Variants in PRKRIP1 observed in about 807,000 individuals in gnomAD.
PRKRIP1 encodes PRKR-interacting protein 1.
A neutral mutation model predicts 29.3 loss-of-function variants in PRKRIP1; 29 were observed. The ratio of observed to expected loss-of-function variants is 0.99; its 90% CI spans 0.74 to 1.35. The LOEUF (loss-of-function observed/expected upper bound fraction) is 1.35. Among genes scored for constraint, PRKRIP1 ranks in the 40% most tolerant of loss-of-function variants. The pLI is 0.00. For synonymous variants in PRKRIP1, 90 were observed against 85.1 expected (o/e 1.06, Z -0.32); for missense variants, 247 against 236.8 (o/e 1.04, Z -0.28).
At chr7:102,418,134 C>T (rs1554573351) in intron 5 of PRKRIP1, among the ~76,000 whole-genome samples, 1 of 151,760 alleles carries the variant, frequency 6.6e-6, no homozygotes, top group Non-Finnish European at 1.5e-5. Flanking sequence ...ACTGCAACCT[C>T]CGCCTCCCGG....
At chr7:102,424,558 G>A (rs1554574194) in intron 5 of PRKRIP1, among the ~76,000 whole-genome samples, 1 of 152,248 alleles carries the variant, frequency 6.6e-6, no homozygotes, top group African/African-American at 2.4e-5. Flanking sequence ...GGGAGGAGCT[G>A]GGAAGCTGGC....
intron 1 of PRKRIP1, among the ~76,000 whole-genome samples, chr7:102,397,358 G>A (rs564712133): frequency 6.6e-6 from 1 of 152,132 alleles, no homozygotes; most frequent in African/African-American, 2.4e-5. Flanking sequence ...ACCAGCCTGG[G>A]CAACATAGTG....
chr7:102,396,383 C>T lies in PRKRIP1; in HGVS notation c.-29C>T, dbSNP rs199724849. 4.0e-4 allele frequency: 607 copies of T among 1,508,942 alleles called. No individual in the cohort carries two copies. In the African/African-American group the frequency reaches 8.0e-3, roughly 20 times the overall value. The allele number at this position is 1,508,942 out of a possible 1,614,324, so 93.5% of individuals were successfully genotyped here. On this transcript the variant is annotated 5_prime_UTR_variant, in exon 1 of 6. Transcript: ENST00000397912. ...TCGTCATACTTGCGCGCCGACGCCGCCGCTCGCTTGTGAAACTGGAAGGCT... is the reference window on the plus strand; with the variant it reads ...TCGTCATACTTGCGCGCCGACGCCGTCGCTCGCTTGTGAAACTGGAAGGCT...
In PRKRIP1 at chr7:102,426,344, C is replaced by G. The variant is rs528562332; in HGVS notation, c.*1233C>G. 1.3e-5 allele frequency: 2 copies of G among 152,788 alleles called. No individual in the cohort carries two copies. The highest frequency in any genetic ancestry group is 4.1e-4 in the South Asian group (2 of 4,846). The allele number at this position is 152,788 out of a possible 1,614,324, so 9.5% of individuals were successfully genotyped here. On this transcript the variant is annotated 3_prime_UTR_variant, in exon 6 of 6. Coordinates refer to ENST00000397912, the MANE Select transcript of PRKRIP1 (RefSeq NM_024653.4). Reference sequence around the variant, plus strand: ...TTTTACCTCGGGGTTTTGAGGCCAACAGGGACGACAGAGACAGTTTCTAGT... The same window carrying G: ...TTTTACCTCGGGGTTTTGAGGCCAAGAGGGACGACAGAGACAGTTTCTAGT...
At chr7:102,402,848 T>G (rs1796109737) in intron 3 of PRKRIP1, among the ~76,000 whole-genome samples, 1 of 151,954 alleles carries the variant, frequency 6.6e-6, no homozygotes, top group African/African-American at 2.4e-5. Flanking sequence ...TAAATTTGGC[T>G]TCTTCAGCAG....
intron 2 of PRKRIP1, among the ~76,000 whole-genome samples, chr7:102,397,903 C>T (rs896248562): frequency 6.6e-6 from 1 of 151,872 alleles, no homozygotes; most frequent in African/African-American, 2.4e-5. Context: ...AAAAATTAGC[C>T]GGGCGTGGTG....
intron 5 of PRKRIP1, among the ~76,000 whole-genome samples, chr7:102,422,001 T>C (rs1313713642): frequency 2.0e-5 from 3 of 151,998 alleles, no homozygotes; most frequent in African/African-American, 7.3e-5. Flanking sequence ...TGTGAATAAG[T>C]GTAGGAAAAG....
At chr7:102,400,692 G>C (rs986348900) in intron 3 of PRKRIP1, among the ~76,000 whole-genome samples, 1 of 152,140 alleles carries the variant, frequency 6.6e-6, no homozygotes, top group East Asian at 1.9e-4. Context: ...GCTGAGAGCA[G>C]TGGGGTGATC....
At chr7:102,410,186 C>T (rs1348633917) in intron 5 of PRKRIP1, among the ~76,000 whole-genome samples, 1 of 152,234 alleles carries the variant, frequency 6.6e-6, no homozygotes, top group Non-Finnish European at 1.5e-5. Context: ...TCCAGGGCAG[C>T]AGAGGCGAGC....
intron 5 of PRKRIP1, among the ~76,000 whole-genome samples, chr7:102,417,271 T>C (rs1197954513): frequency 1.3e-5 from 2 of 152,026 alleles, no homozygotes; most frequent in Non-Finnish European, 2.9e-5. Flanking sequence ...TTCTCCCCCA[T>C]ATGTTTACTC....
At chr7:102,419,556 G>C (rs575556922) in intron 5 of PRKRIP1, among the ~76,000 whole-genome samples, 1 of 152,236 alleles carries the variant, frequency 6.6e-6, no homozygotes, top group African/African-American at 2.4e-5. Flanking sequence ...TGTTTCCCCT[G>C]TTCAGCCTCC....
In PRKRIP1 at chr7:102,402,458, G is replaced by T. The variant is rs1027586650; in HGVS notation, c.307-2140G>T. ...TCTCAAAAAGAAAGAAAGGGGGTGGGGGGTGGAGTGAGGGAGGGAGAGAAA... is the reference window on the plus strand; with the variant it reads ...TCTCAAAAAGAAAGAAAGGGGGTGGTGGGTGGAGTGAGGGAGGGAGAGAAA... On this transcript the variant is annotated intron_variant, in intron 3 of 5. Coordinates refer to ENST00000397912, the MANE Select transcript of PRKRIP1 (RefSeq NM_024653.4). Among the ~76,000 whole-genome samples, 4 of 151,928 alleles carry T rather than the reference G, an allele frequency of 2.6e-5. No homozygotes were observed. In the East Asian group the frequency reaches 7.7e-4, roughly 29 times the overall value.
Position 102,396,385 on chromosome 7 carries a change from G to C in PRKRIP1, c.-27G>C. ...GTCATACTTGCGCGCCGACGCCGCC[G>C]CTCGCTTGTGAAACTGGAAGGCTGC... On this transcript the variant is annotated 5_prime_UTR_variant, in exon 1 of 6. Transcript: ENST00000397912. 6.6e-7 allele frequency: 1 copy of C among 1,511,316 alleles called. No homozygotes were observed. The highest frequency in any genetic ancestry group is 8.8e-7 in the Non-Finnish European group (1 of 1,135,760). 93.6% of individuals were successfully genotyped at this position (1,511,316 alleles called of 1,614,324 possible). A position where few individuals can be genotyped will look rare whatever the true frequency, so the allele number is the denominator to read the frequency against.
At chr7:102,398,158 G>T (rs552091478) in intron 2 of PRKRIP1, among the ~76,000 whole-genome samples, 2 of 152,168 alleles carry the variant, frequency 1.3e-5, no homozygotes, top group Admixed American at 1.3e-4. Context: ...CAATGACGGG[G>T]ATATAGTTGC....
chr7:102,400,744 T>A (rs1796045013), intron 3 of PRKRIP1, among the ~76,000 whole-genome samples: 1 of 152,184 alleles, frequency 6.6e-6, no homozygotes, highest in South Asian at 2.1e-4. Flanking sequence ...CAAGTGGTTC[T>A]CCTGCCTCAG....
At chr7:102,400,563 A>G (rs1563612387) in intron 3 of PRKRIP1, among the ~76,000 whole-genome samples, 1 of 152,130 alleles carries the variant, frequency 6.6e-6, no homozygotes, top group Non-Finnish European at 1.5e-5. Flanking sequence ...CTGGGAAAAG[A>G]CGTATGAGGG....
intron 5 of PRKRIP1, among the ~76,000 whole-genome samples, chr7:102,418,003 A>G (rs1474604039): frequency 6.7e-6 from 1 of 148,856 alleles, no homozygotes; most frequent in Non-Finnish European, 1.5e-5. Context: ...CCATTTGTCC[A>G]AGAAGTCCTG....
Position 102,425,476 on chromosome 7 carries a change from A to ATAC in PRKRIP1, c.*365_*366insTAC. 3.2e-6 allele frequency: 1 copy of ATAC among 312,942 alleles called. No individual in the cohort carries two copies. Among genetic ancestry groups the ATAC allele is most frequent in the Admixed American group, 5.1e-5 (1 of 19,704 alleles). The allele number at this position is 312,942 out of a possible 1,614,324, so 19.4% of individuals were successfully genotyped here. On this transcript the variant is annotated 3_prime_UTR_variant, in exon 6 of 6. Transcript: ENST00000397912. ...GTTTTGTTGGGACATGTGGACCGTG[A>ATAC]GTCGCAAACACTCTGGAGAAGGCTG...
chr7:102,398,023 G>A (rs964147651), intron 2 of PRKRIP1, among the ~76,000 whole-genome samples: 1 of 152,036 alleles, frequency 6.6e-6, no homozygotes. Flanking sequence ...CTCCATCCTG[G>A]GCAACAGAGC....
Sources: allele counts gnomAD v4.1 joint callset (sites outside exome capture counted in the v4.1 genomes callset), GRCh38; gene constraint gnomAD v4.1.1; transcripts MANE v1.5; gene names NCBI Gene and HGNC (gene_info 2026-07-23, HGNC 2026-07-21).